Variants in DOT1L observed in about 807,000 individuals in gnomAD.
The protein encoded by DOT1L is histone-lysine N-methyltransferase, H3 lysine-79 specific.
DOT1L carries 33 observed loss-of-function variants against 153.3 expected under a neutral mutation model. The observed-to-expected ratio is 0.22, with a 90% CI of 0.16 to 0.29. The LOEUF (loss-of-function observed/expected upper bound fraction) is 0.29, where lower values mean the gene tolerates loss of function less well. Among genes scored for constraint, DOT1L ranks in the 10% least tolerant of loss-of-function variants. The probability of loss-of-function intolerance (pLI) is 1.00; values close to 1 mark genes in which losing one functional copy is unlikely to be tolerated. For missense variants in DOT1L, 1,847 were observed against 2,119.9 expected, an observed-to-expected ratio of 0.87 and a Z score of 2.53; for synonymous variants, 1,135 against 965.1, an observed-to-expected ratio of 1.18 and a Z score of -3.26.
chr19:2,225,562 C>A, intron 26 of DOT1L, 110 bp downstream of exon 26: 1 of 1,204,324 alleles, frequency 8.3e-7, no homozygotes, highest in Non-Finnish European at 1.2e-6. Context: ...CCGCATGGTG[C>A]TGGCCCGCTG....
At chr19:2,201,873 C>T (rs147365793) in intron 8 of DOT1L, among the ~76,000 whole-genome samples, 12 of 152,360 alleles carry the variant, frequency 7.9e-5, no homozygotes, top group Admixed American at 7.8e-4. Flanking sequence ...GCGTGCAGGT[C>T]TTGACCAGGA....
intron 7 of DOT1L, among the ~76,000 whole-genome samples, chr19:2,196,636 G>C (rs181663595): frequency 7.6e-4 from 115 of 152,240 alleles, no homozygotes; most frequent in African/African-American, 2.7e-3. Flanking sequence ...GGGCCTCCTT[G>C]GGGTTTCCTA....
chr19:2,217,002 T>C lies in DOT1L; in HGVS notation c.2456T>C (p.Val819Ala), dbSNP rs1286884093. ...GGCCTTCCCTACCAGAGCCCCAGCG[T>C]GCCTGGCAGCATGAAGCTGAGCCCT... Reference protein sequence around the residue: ...ENGLPYQSPSVPGSMKLSPQD... With the variant: ...ENGLPYQSPSAPGSMKLSPQD... The change falls in exon 21 of 28, where the codon GTG becomes GCG. Residue 819 changes from valine (V) to alanine (A), a missense_variant. Val to Ala is a moderately conservative substitution (Grantham distance 64). Coordinates refer to ENST00000398665, the MANE Select transcript of DOT1L (RefSeq NM_032482.3). The surrounding 1 kb of genome is among the most constrained non-coding windows in gnomAD (Gnocchi z 7.3). 3.7e-6 allele frequency: 6 copies of C among 1,613,028 alleles called. No homozygotes were observed. Among genetic ancestry groups the C allele is most frequent in the Non-Finnish European group, 5.1e-6 (6 of 1,179,902 alleles).
At chr19:2,201,123 A>G (rs1599577163) in intron 8 of DOT1L, among the ~76,000 whole-genome samples, 1 of 112,546 alleles carries the variant, frequency 8.9e-6, no homozygotes, top group African/African-American at 3.5e-5. Flanking sequence ...TCCTCCCCGC[A>G]TTCCTCGTCC....
chr19:2,227,178 C>CCCCTTCCTTTGCAGGTT, intron 27 of DOT1L, 51 bp downstream of exon 27: 1 of 1,580,248 alleles, frequency 6.3e-7, no homozygotes, highest in South Asian at 1.1e-5. Flanking sequence ...CCGCCGGAGG[C>CCCCTTCCTTTGCAGGTT]CCCTTCCTTT....
chr19:2,211,019 G>A, intron 14 of DOT1L, 80 bp from the exon 15 acceptor site: 1 of 1,493,302 alleles, frequency 6.7e-7, no homozygotes, highest in Non-Finnish European at 9.2e-7. Flanking sequence ...GGGGTTGCTG[G>A]GCACCTGCCC....
chr19:2,206,122 C>G (rs372978001), intron 9 of DOT1L, among the ~76,000 whole-genome samples: 35 of 151,994 alleles, frequency 2.3e-4, no homozygotes, highest in African/African-American at 8.5e-4. Context: ...CTCAGCCTCC[C>G]GAGTAGCTGG....
intron 1 of DOT1L, among the ~76,000 whole-genome samples, chr19:2,166,950 T>C (rs930479783): frequency 2.6e-5 from 4 of 152,218 alleles, no homozygotes; most frequent in Non-Finnish European, 5.9e-5. Flanking sequence ...GTTGGCTGAA[T>C]GGAATCAACA....
intron 1 of DOT1L, among the ~76,000 whole-genome samples, chr19:2,165,350 G>T (rs986620565): frequency 2.0e-5 from 3 of 152,176 alleles, no homozygotes; most frequent in Non-Finnish European, 4.4e-5. Context: ...GACGCGGAGA[G>T]CGCTGGGGAG....
At chr19:2,180,817 G>A (rs955611038) in intron 2 of DOT1L, 61 bp downstream of exon 2, 6 of 1,593,590 alleles carry the variant, frequency 3.8e-6, no homozygotes, top group Admixed American at 1.7e-5. Context: ...GTGGACACCC[G>A]TGCCCTGCAG....
At chr19:2,167,740 T>C (rs137964946) in intron 1 of DOT1L, among the ~76,000 whole-genome samples, 38,929 of 145,688 alleles carry the variant, frequency 0.27, 6,183 homozygotes, top group Non-Finnish European at 0.38. Flanking sequence ...TTTTCTTTTT[T>C]TTTTTTTTTT....
intron 23 of DOT1L, chr19:2,221,752 G>A: frequency 1.8e-6 from 1 of 548,424 alleles, no homozygotes; most frequent in Non-Finnish European, 3.2e-6. Flanking sequence ...GGCACAGGCA[G>A]CCCAGATGGG....
intron 9 of DOT1L, among the ~76,000 whole-genome samples, chr19:2,205,702 G>T (rs534270841): frequency 3.3e-5 from 5 of 150,802 alleles, no homozygotes; most frequent in East Asian, 3.9e-4. Context: ...TTTTTGTTTT[G>T]TTTTTTTTTG....
At chr19:2,187,786 G>A (rs548272560) in intron 3 of DOT1L, among the ~76,000 whole-genome samples, 1 of 152,250 alleles carries the variant, frequency 6.6e-6, no homozygotes, top group African/African-American at 2.4e-5. Flanking sequence ...GCCGGGCGTG[G>A]TGGCGGGTGC....
chr19:2,222,084 G>T lies in DOT1L; in HGVS notation c.2915G>T (p.Gly972Val), dbSNP rs775272361. ...PATLDESSSS[G>V]SLFATVGSRS... ...ACCTTGGATGAGTCCTCCAGCTCTG[G>T]GAGCCTTTTTGCCACCGTGGGGTCC... Residue 972 changes from glycine (G) to valine (V), a missense_variant, in exon 24 of 28, where the codon GGG (glycine) becomes GTG (valine). Gly to Val is a moderately radical substitution (Grantham distance 109). Around this residue, in one of 8 missense-constraint regions of DOT1L, gnomAD observed 934 missense variants for 825.3 expected, o/e 1.13. Coordinates refer to ENST00000398665, the MANE Select transcript of DOT1L (RefSeq NM_032482.3). The surrounding 1 kb of genome is among the most constrained non-coding windows in gnomAD (Gnocchi z 6.5). 6.2e-7 allele frequency: 1 copy of T among 1,613,420 alleles called. No individual in the cohort carries two copies. Among genetic ancestry groups the T allele is most frequent in the Non-Finnish European group, 8.5e-7 (1 of 1,179,918 alleles).
In DOT1L at chr19:2,197,296, G is replaced by A. The variant is rs572124824; in HGVS notation, c.652-2588G>A. On this transcript the variant is annotated intron_variant, in intron 7 of 27. Coordinates refer to ENST00000398665, the MANE Select transcript of DOT1L (RefSeq NM_032482.3). This position sits in a 1 kb window ranked among gnomAD's most constrained non-coding sequence, Gnocchi z 4.1. Reference sequence around the variant, plus strand: ...AAGCTGTGTGGTGTCCTGGGTTCTGGGTCCACTTGCACTCTGGCCGGAAGT... The same window carrying A: ...AAGCTGTGTGGTGTCCTGGGTTCTGAGTCCACTTGCACTCTGGCCGGAAGT... Among the ~76,000 whole-genome samples the A allele has an allele frequency of 5.3e-5, 8 of 152,330 alleles. No homozygotes were observed. The highest frequency in any genetic ancestry group is 1.3e-4 in the Admixed American group (2 of 15,298).
chr19:2,188,456 C>T (rs944887267), intron 3 of DOT1L, among the ~76,000 whole-genome samples: 4 of 111,042 alleles, frequency 3.6e-5, no homozygotes, highest in Non-Finnish European at 5.4e-5. Context: ...AGGACGGAGG[C>T]GGAGGAAAGA....
chr19:2,220,398 G>T lies in DOT1L; in HGVS notation c.2806+176G>T. On this transcript the variant is annotated intron_variant, in intron 23 of 27. Coordinates refer to ENST00000398665, the MANE Select transcript of DOT1L (RefSeq NM_032482.3). This position sits in a 1 kb window ranked among gnomAD's most constrained non-coding sequence, Gnocchi z 4.5. ...TTTCCTGCATCCCACGAGCTGGGATGCGGATCGGGCTCAGCTGCAGCCATC... is the reference window on the plus strand; with the variant it reads ...TTTCCTGCATCCCACGAGCTGGGATTCGGATCGGGCTCAGCTGCAGCCATC... 1.4e-6 allele frequency: 1 copy of T among 716,844 alleles called. No individual in the cohort carries two copies. Among genetic ancestry groups the T allele is most frequent in the African/African-American group, 1.7e-5 (1 of 57,456 alleles). The allele number at this position is 716,844 out of a possible 1,614,324, so 44.4% of individuals were successfully genotyped here. A position where few individuals can be genotyped will look rare whatever the true frequency, so the allele number is the denominator to read the frequency against.
chr19:2,185,988 A>G lies in DOT1L; in HGVS notation c.200+59A>G. On this transcript the variant is annotated intron_variant, in intron 3 of 27. Coordinates refer to ENST00000398665, the MANE Select transcript of DOT1L (RefSeq NM_032482.3). Reference sequence around the variant, plus strand: ...AGGACAGACTCGGCTCTTGGGGAGGACAGGAGGACGCATCCTATAATTAGC... The same window carrying G: ...AGGACAGACTCGGCTCTTGGGGAGGGCAGGAGGACGCATCCTATAATTAGC... 2.6e-6 allele frequency: 4 copies of G among 1,520,096 alleles called. No individual in the cohort carries two copies. In the South Asian group the frequency reaches 4.5e-5, roughly 17 times the overall value. The allele number at this position is 1,520,096 out of a possible 1,614,324, so 94.2% of individuals were successfully genotyped here.
Sources: gnomAD v4.1 joint callset for allele counts (sites outside exome capture counted in the v4.1 genomes callset) on GRCh38, gnomAD v4.1.1 for gene constraint, gnomAD v4.1.1 regional missense constraint, Gnocchi (gnomAD v3.1) non-coding constraint, MANE v1.5 for transcripts, NCBI Gene and HGNC (gene_info 2026-07-23, HGNC 2026-07-21) for gene names.